Variants in ENO1 observed in about 807,000 individuals in gnomAD.
ENO1 encodes the protein alpha-enolase.
A neutral mutation model predicts 46.3 loss-of-function variants in ENO1; 33 were observed. The observed-to-expected ratio is 0.71, with a 90% CI of 0.54 to 0.95. ENO1 has a LOEUF of 0.95. Ranked by LOEUF, ENO1 falls within the 40% of genes least tolerant of loss-of-function variation. The pLI is 0.00. For missense variants in ENO1, 488 were observed against 553.3 expected (o/e 0.88, Z 1.18); for synonymous variants, 220 against 216.0 (o/e 1.02, Z -0.16).
chr1:8,876,535 T>C (rs1642736308), intron 1 of ENO1, among the ~76,000 whole-genome samples: 1 of 152,216 alleles, frequency 6.6e-6, no homozygotes, highest in Non-Finnish European at 1.5e-5. Flanking sequence ...AGTATTTCAG[T>C]CATACTTTTA....
At position 8,868,226 on chromosome 1, in the gene ENO1, A is replaced by G. The variant is rs553344138; in HGVS notation, c.241-169T>C. 3.9e-5 allele frequency among the ~76,000 whole-genome samples: 6 copies of G among 152,220 alleles called. No homozygotes were observed. The South Asian group carries it at 1.2e-3, about 32-fold the overall frequency. On this transcript the variant is annotated intron_variant, in intron 4 of 11. Coordinates refer to ENST00000234590, the MANE Select transcript of ENO1 (RefSeq NM_001428.5). ...GACAAAAATCAGTGGGGAGACAAAA[A>G]ACTGCCTTCTGCTTGCTTTGATGGT...
At chr1:8,874,722 CTTTAACAGAT>C in intron 2 of ENO1, 92 bp downstream of exon 2, 1 of 1,059,498 alleles carries the variant, frequency 9.4e-7, no homozygotes, top group Non-Finnish European at 1.4e-6. Flanking sequence ...GAAAGAAAAG[CTTTAACAGAT>C]TTTTTTTTTC....
intron 11 of ENO1, among the ~76,000 whole-genome samples, chr1:8,861,720 G>A (rs1642409269): frequency 6.6e-6 from 1 of 152,016 alleles, no homozygotes; most frequent in Admixed American, 6.6e-5. Flanking sequence ...TTGCAGAGGA[G>A]CAAAGTAAAA....
chr1:8,869,396 TAC>T lies in ENO1; in HGVS notation c.240+1054_240+1055del, dbSNP rs149722353. ...GGGGGCTGGTCGGGCAGGGAGTAATTACAGAGTGCCACAAAAGCCAGGCCTAA... is the reference window on the plus strand; with the variant it reads ...GGGGGCTGGTCGGGCAGGGAGTAATTAGAGTGCCACAAAAGCCAGGCCTAA... On this transcript the variant is annotated intron_variant, in intron 4 of 11. Transcript: ENST00000234590. Among the ~76,000 whole-genome samples, 262 of 149,576 alleles carry T rather than the reference TAC, an allele frequency of 1.8e-3. 1 individual carries two copies. The highest frequency in any genetic ancestry group is 5.9e-3 in the African/African-American group (241 of 41,006).
rs1345771021 is a variant in ENO1, at chr1:8,878,574, C to T, written c.-10+6G>A. On this transcript the variant is annotated splice_donor_region_variant and intron_variant, in intron 1 of 11. Coordinates refer to ENST00000234590, the MANE Select transcript of ENO1 (RefSeq NM_001428.5). ...GCCCGTTGCTCAGCCCTTCCCCAAT[C>T]ATTACCTAGCCACTGGGTCTCGTCG... The T allele has an allele frequency of 2.2e-6, 1 of 456,018 alleles. No homozygotes were observed. Among genetic ancestry groups the T allele is most frequent in the Admixed American group, 2.3e-5 (1 of 42,584 alleles). The allele number at this position is 456,018 out of a possible 1,614,324, so 28.2% of individuals were successfully genotyped here. A position where few individuals can be genotyped will look rare whatever the true frequency, so the allele number is the denominator to read the frequency against.
rs55906160 is a variant in ENO1, at chr1:8,863,200, G to A, written c.1176+35C>T. ...GTTTTGGGTCTTCCTAGGAAGTTGA[G>A]GTCAGAGAAGAAAGGAGGAGACGCT... On this transcript the variant is annotated intron_variant, in intron 10 of 11. Transcript: ENST00000234590. 2.8e-3 allele frequency: 4,475 copies of A among 1,609,820 alleles called. 10 individuals carry two copies. The highest frequency in any genetic ancestry group is 3.3e-3 in the Non-Finnish European group (3,930 of 1,177,098).
At position 8,863,918 on chromosome 1, in the gene ENO1, A is replaced by G. The variant is rs1457370145; in HGVS notation, c.1040T>C (p.Ile347Thr). 1.2e-6 allele frequency: 2 copies of G among 1,613,878 alleles called. No homozygotes were observed. Among genetic ancestry groups the G allele is most frequent in the Non-Finnish European group, 1.7e-6 (2 of 1,179,948 alleles). ...CNCLLLKVNQ[I>T]GSVTESLQAC... ...CTGAAGAGACTCGGTCACGGAGCCAATCTGGTTGACTTTGAGCAGGAGGCA... is the reference window on the plus strand; with the variant it reads ...CTGAAGAGACTCGGTCACGGAGCCAGTCTGGTTGACTTTGAGCAGGAGGCA... Residue 347 changes from isoleucine (I) to threonine (T), a missense_variant, in exon 9 of 12, where the codon ATT (isoleucine) becomes ACT (threonine). Coordinates refer to ENST00000234590, the MANE Select transcript of ENO1 (RefSeq NM_001428.5).
chr1:8,867,078 C>T, intron 6 of ENO1, 39 bp downstream of exon 6: 1 of 1,603,418 alleles, frequency 6.2e-7, no homozygotes, highest in East Asian at 2.2e-5. Context: ...AGCTGAAACC[C>T]CCAACTCCTT....
At chr1:8,862,817 A>G (rs561313507) in intron 11 of ENO1, 70 bp downstream of exon 11, 2 of 1,536,300 alleles carry the variant, frequency 1.3e-6, no homozygotes, top group South Asian at 1.1e-5. Flanking sequence ...GGGGGAGGGC[A>G]GTGCCTACAC....
rs1439938869 is a variant in ENO1 at position 8,878,637 on chromosome 1, G to A, written c.-67C>T. The A allele has an allele frequency of 4.4e-6, 2 of 456,088 alleles. No homozygotes were observed. Among genetic ancestry groups the A allele is most frequent in the South Asian group, 1.5e-5 (1 of 64,568 alleles). The allele number at this position is 456,088 out of a possible 1,614,324, so 28.3% of individuals were successfully genotyped here. A position where few individuals can be genotyped will look rare whatever the true frequency, so the allele number is the denominator to read the frequency against. On this transcript the variant is annotated 5_prime_UTR_variant, in exon 1 of 12. Coordinates refer to ENST00000234590, the MANE Select transcript of ENO1 (RefSeq NM_001428.5). ...AGCGGAGGGTGCTGCAGACACCGAG[G>A]TGAACGTAAAGCCGGCGAGATCTCC... is the stretch of plus-strand genomic sequence containing the variant.
At chr1:8,877,165 G>A (rs971174388) in intron 1 of ENO1, among the ~76,000 whole-genome samples, 1 of 152,056 alleles carries the variant, frequency 6.6e-6, no homozygotes, top group African/African-American at 2.4e-5. Context: ...AGTAGAGTAG[G>A]ATGGTCTCGA....
chr1:8,877,996 T>G (rs1045355798), intron 1 of ENO1: 1 of 152,724 alleles, frequency 6.5e-6, no homozygotes. Flanking sequence ...ACGGCTCTGC[T>G]GTAGGTTCCT....
chr1:8,861,197 T>C lies in ENO1; in HGVS notation c.*163A>G. The C allele has an allele frequency of 1.5e-6, 1 of 647,536 alleles. No individual in the cohort carries two copies. The highest frequency in any genetic ancestry group is 2.6e-6 in the Non-Finnish European group (1 of 384,026). The allele number at this position is 647,536 out of a possible 1,614,324, so 40.1% of individuals were successfully genotyped here. On this transcript the variant is annotated 3_prime_UTR_variant, in exon 12 of 12. Transcript: ENST00000234590. Reference sequence around the variant, plus strand: ...CAACAGGGCTCCAGGGAGCTTGGCTTCTGTAGAAGTTCTAAGGAAGCGGTA... The same window carrying C: ...CAACAGGGCTCCAGGGAGCTTGGCTCCTGTAGAAGTTCTAAGGAAGCGGTA...
At chr1:8,864,632 G>T (rs1273666718) in intron 8 of ENO1, among the ~76,000 whole-genome samples, 8 of 152,178 alleles carry the variant, frequency 5.3e-5, no homozygotes, top group African/African-American at 1.9e-4. Context: ...AGACCTGTAA[G>T]AAGAGGACAC....
chr1:8,868,196 TGGA>T (rs1317851388), intron 4 of ENO1, 139 bp from the exon 5 acceptor site: 30 of 726,178 alleles, frequency 4.1e-5, no homozygotes, highest in Non-Finnish European at 6.5e-5. Context: ...GCAAAAAAAG[TGGA>T]GGACAAAAAT....
intron 1 of ENO1, 94 bp downstream of exon 1, chr1:8,878,486 G>C (rs914496882): frequency 2.3e-5 from 9 of 386,406 alleles, no homozygotes; most frequent in South Asian, 5.5e-5. Context: ...CTGGGCCTGC[G>C]GGCGCGCCGC....
Position 8,861,289 on chromosome 1 carries a change from C to T in ENO1, c.*71G>A. 2.0e-6 allele frequency: 3 copies of T among 1,535,264 alleles called. 1 individual carries two copies. The highest frequency in any genetic ancestry group is 2.7e-6 in the Non-Finnish European group (3 of 1,112,324). On this transcript the variant is annotated 3_prime_UTR_variant, in exon 12 of 12. Coordinates refer to ENST00000234590, the MANE Select transcript of ENO1 (RefSeq NM_001428.5). Reference sequence around the variant, plus strand: ...GCAAGTGTTGGTCGGGGGCCTCGAGCTGCCTGAGCTGACACGAGGGGAGGG... The same window carrying T: ...GCAAGTGTTGGTCGGGGGCCTCGAGTTGCCTGAGCTGACACGAGGGGAGGG...
At position 8,878,590 on chromosome 1, in the gene ENO1, G is replaced by A; in HGVS notation, c.-20C>T. On this transcript the variant is annotated 5_prime_UTR_variant, in exon 1 of 12. Coordinates refer to ENST00000234590, the MANE Select transcript of ENO1 (RefSeq NM_001428.5). ...TTCCCCAATCATTACCTAGCCACTGGGTCTCGTCGCCTAGGAGAGGAAGCG... is the reference window on the plus strand; with the variant it reads ...TTCCCCAATCATTACCTAGCCACTGAGTCTCGTCGCCTAGGAGAGGAAGCG... 1 of 455,996 alleles carries A rather than the reference G, an allele frequency of 2.2e-6. No individual in the cohort carries two copies. Among genetic ancestry groups the A allele is most frequent in the Non-Finnish European group, 4.4e-6 (1 of 226,780 alleles). 28.2% of individuals were successfully genotyped at this position (455,996 alleles called of 1,614,324 possible).
At chr1:8,864,178 G>C (rs1642464865) in intron 8 of ENO1, 86 bp from the exon 9 acceptor site, 2 of 1,457,522 alleles carry the variant, frequency 1.4e-6, no homozygotes, top group Admixed American at 3.4e-5. Flanking sequence ...CCCTTGACTT[G>C]CTGCTCGCCT....
Sources: gnomAD v4.1 joint callset for allele counts (sites outside exome capture counted in the v4.1 genomes callset) on GRCh38, gnomAD v4.1.1 for gene constraint, MANE v1.5 for transcripts, NCBI Gene and HGNC (gene_info 2026-07-23, HGNC 2026-07-21) for gene names.